Variants in MAGEF1 observed in about 807,000 individuals in gnomAD.
MAGEF1 encodes melanoma-associated antigen F1.
For missense variants in MAGEF1, 418 were observed against 399.5 expected, an observed-to-expected ratio of 1.05 and a Z score of -0.39; for synonymous variants, 150 against 163.6, an observed-to-expected ratio of 0.92 and a Z score of 0.63.
chr3:184,712,032 C>T lies in MAGEF1; in HGVS notation c.-211G>A, dbSNP rs1712245977. ...AGCAGCCGGAACCTGCGGCGCGCAG[C>T]CTCAGTCCGCGCCCGCGCGAGGGGC... On this transcript the variant is annotated 5_prime_UTR_variant, in exon 1 of 1. Transcript: ENST00000317897. 3 of 914,410 alleles carry T rather than the reference C, an allele frequency of 3.3e-6. No homozygotes were observed. Among genetic ancestry groups the T allele is most frequent in the Admixed American group, 3.9e-5 (1 of 25,450 alleles). 56.6% of individuals were successfully genotyped at this position (914,410 alleles called of 1,614,324 possible).
In MAGEF1 at chr3:184,711,679, C is replaced by T. The variant is rs1157823947; in HGVS notation, c.143G>A (p.Gly48Glu). ...CCGGGTGAGGGCGGGCTCCGCAGCCCCCTCCTCCCTCCCGGCGCCAAGCTC... is the reference window on the plus strand; with the variant it reads ...CCGGGTGAGGGCGGGCTCCGCAGCCTCCTCCTCCCTCCCGGCGCCAAGCTC... ...KEELGAGREEGAAEPALTRKG... is the reference protein window; with the variant it reads ...KEELGAGREEEAAEPALTRKG... The change falls in exon 1 of 1, where the codon GGG becomes GAG. Residue 48 changes from glycine to glutamate, a missense_variant. Gly to Glu is a moderately conservative substitution (Grantham distance 98). Coordinates refer to ENST00000317897, the MANE Select transcript of MAGEF1 (RefSeq NM_022149.5). The T allele has an allele frequency of 1.3e-6, 2 of 1,582,936 alleles. No individual in the cohort carries two copies. The highest frequency in any genetic ancestry group is 1.7e-6 in the Non-Finnish European group (2 of 1,166,900).
In MAGEF1 at chr3:184,710,827, C is replaced by G; in HGVS notation, c.*71G>C. On this transcript the variant is annotated 3_prime_UTR_variant, in exon 1 of 1. Coordinates refer to ENST00000317897, the MANE Select transcript of MAGEF1 (RefSeq NM_022149.5). Reference sequence around the variant, plus strand: ...CTACAGAAATAAGACCCTCGCCCCACCCATATTACTTATGACTCAGGACAG... The same window carrying G: ...CTACAGAAATAAGACCCTCGCCCCAGCCATATTACTTATGACTCAGGACAG... 6.8e-7 allele frequency: 1 copy of G among 1,463,680 alleles called. No individual in the cohort carries two copies. Among genetic ancestry groups the G allele is most frequent in the East Asian group, 2.4e-5 (1 of 42,440 alleles). 90.7% of individuals were successfully genotyped at this position (1,463,680 alleles called of 1,614,324 possible).
rs763458760 is a variant in MAGEF1 at position 184,711,442 on chromosome 3, T to C, written c.380A>G (p.Tyr127Cys). The change falls in exon 1 of 1, where the codon TAT (tyrosine) becomes TGT (cysteine). Residue 127 changes from tyrosine (Y) to cysteine (C), a missense_variant. By Grantham distance (194) the Tyr-to-Cys change is radical. Coordinates refer to ENST00000317897, the MANE Select transcript of MAGEF1 (RefSeq NM_022149.5). ...IIARAAEHLR[Y>C]VFGFELKQFD... ...CTGTTTCAGCTCAAAACCAAAGACA[T>C]ACCGCAGATGCTCTGCGGCCCTTGC... The C allele has an allele frequency of 1.4e-5, 22 of 1,613,994 alleles. No individual in the cohort carries two copies. Among genetic ancestry groups the C allele is most frequent in the Admixed American group, 1.7e-5 (1 of 60,004 alleles).
chr3:184,711,862 G>A lies in MAGEF1; in HGVS notation c.-41C>T. The A allele has an allele frequency of 4.1e-6, 6 of 1,451,508 alleles. No individual in the cohort carries two copies. The highest frequency in any genetic ancestry group is 1.4e-5 in the African/African-American group (1 of 70,238). 89.9% of individuals were successfully genotyped at this position (1,451,508 alleles called of 1,614,324 possible). A position where few individuals can be genotyped will look rare whatever the true frequency, so the allele number is the denominator to read the frequency against. On this transcript the variant is annotated 5_prime_UTR_variant, in exon 1 of 1. Transcript: ENST00000317897. ...GGTGCAGAGCGCGTACACGGGCCGA[G>A]GGGTGTGGGAGCCGCCGCGCAAGCC...
rs201868429 is a variant in MAGEF1 at position 184,710,959 on chromosome 3, G to A, written c.863C>T (p.Ala288Val). 5.9e-5 allele frequency: 95 copies of A among 1,613,866 alleles called. 1 individual carries two copies. The East Asian group carries it at 2.0e-3, about 34-fold the overall frequency. ...ADEADRARAK[A>V]RAEASMRARA... The stretch of plus-strand genomic sequence containing the variant: ...GGCCCTCATACTGGCTTCAGCTCTG[G>A]CCTTGGCTCTGGCCCTGTCGGCCTC... The change falls in exon 1 of 1, where the codon GCC (alanine) becomes GTC (valine). Residue 288 changes from alanine (A) to valine (V), a missense_variant. By Grantham distance (64) the Ala-to-Val change is moderately conservative. Coordinates refer to ENST00000317897, the MANE Select transcript of MAGEF1 (RefSeq NM_022149.5).
rs557801896 is a variant in MAGEF1 at position 184,711,952 on chromosome 3, T to C, written c.-131A>G. ...ACAAGGAGCAATGGCAGCGGGAGCT[T>C]TGTGGCTGCTGGGCCGCACCGCACG... On this transcript the variant is annotated 5_prime_UTR_variant, in exon 1 of 1. Transcript: ENST00000317897. 189 of 1,349,620 alleles carry C rather than the reference T, an allele frequency of 1.4e-4. 2 individuals carry two copies. In the South Asian group the frequency reaches 3.7e-3, roughly 27 times the overall value. 83.6% of individuals were successfully genotyped at this position (1,349,620 alleles called of 1,614,324 possible).
In MAGEF1 at chr3:184,711,046, G is replaced by A. The variant is rs1401947617; in HGVS notation, c.776C>T (p.Ala259Val). The change falls in exon 1 of 1, where the codon GCC becomes GTC. Residue 259 changes from alanine to valine, a missense_variant. Transcript: ENST00000317897. ...ISKMEVLGFV[A>V]KLHKKEPQHW... ...CTGCGGTTCCTTCTTATGCAGTTTGGCCACGAACCCCAGGACTTCCATCTT... is the reference window on the plus strand; with the variant it reads ...CTGCGGTTCCTTCTTATGCAGTTTGACCACGAACCCCAGGACTTCCATCTT... 6.2e-7 allele frequency: 1 copy of A among 1,614,188 alleles called. No individual in the cohort carries two copies. Among genetic ancestry groups the A allele is most frequent in the East Asian group, 2.2e-5 (1 of 44,886 alleles).
chr3:184,711,773 C>T lies in MAGEF1; in HGVS notation c.49G>A (p.Gly17Arg), dbSNP rs912558148. ...SRGLPVPQAE[G>R]EKDGGHDGET... ...CCATCATGGCCGCCATCCTTCTCCC[C>T]CTCGGCCTGCGGGACCGGGAGCCCC... The change falls in exon 1 of 1, where the codon GGG becomes AGG. Residue 17 changes from glycine (G) to arginine (R), a missense_variant. Transcript: ENST00000317897. 2.6e-6 allele frequency: 4 copies of T among 1,520,902 alleles called. No individual in the cohort carries two copies. The highest frequency in any genetic ancestry group is 3.5e-6 in the Non-Finnish European group (4 of 1,139,714). The allele number at this position is 1,520,902 out of a possible 1,614,324, so 94.2% of individuals were successfully genotyped here.
At position 184,711,782 on chromosome 3, in the gene MAGEF1, G is replaced by C; in HGVS notation, c.40C>G (p.Gln14Glu). ...CCGCCATCCTTCTCCCCCTCGGCCT[G>C]CGGGACCGGGAGCCCCCTGCTCTCT... The part of the protein sequence containing the change: ...TPESRGLPVP[Q>E]AEGEKDGGHD... Residue 14 changes from glutamine (Q) to glutamate (E), a missense_variant, in exon 1 of 1, where the codon CAG becomes GAG. Transcript: ENST00000317897. 6.6e-7 allele frequency: 1 copy of C among 1,520,114 alleles called. No homozygotes were observed. The highest frequency in any genetic ancestry group is 8.8e-7 in the Non-Finnish European group (1 of 1,139,104). The allele number at this position is 1,520,114 out of a possible 1,614,324, so 94.2% of individuals were successfully genotyped here.
Position 184,711,610 on chromosome 3 carries a change from C to A in MAGEF1, c.212G>T (p.Arg71Met), listed in dbSNP as rs1469020523. Residue 71 changes from arginine (R) to methionine (M), a missense_variant, in exon 1 of 1, where the codon AGG (arginine) becomes ATG (methionine). Arg to Met is a moderately conservative substitution (Grantham distance 91, BLOSUM62 -1). Coordinates refer to ENST00000317897, the MANE Select transcript of MAGEF1 (RefSeq NM_022149.5). The part of the protein sequence containing the change: ...ALAAKALARR[R>M]AYRRLNRTVA... ...CGTCCGATTCAGCCGGCGGTAGGCCCTGCGCCTTGCCAAGGCTTTGGCCGC... is the reference window on the plus strand; with the variant it reads ...CGTCCGATTCAGCCGGCGGTAGGCCATGCGCCTTGCCAAGGCTTTGGCCGC... 6 of 1,612,530 alleles carry A rather than the reference C, an allele frequency of 3.7e-6. No homozygotes were observed. The South Asian group carries it at 6.6e-5, about 18-fold the overall frequency.
chr3:184,710,601 T>C lies in MAGEF1; in HGVS notation c.*297A>G, dbSNP rs1712186047. The C allele has an allele frequency of 7.1e-6, 2 of 280,860 alleles. No individual in the cohort carries two copies. Among genetic ancestry groups the C allele is most frequent in the Non-Finnish European group, 1.3e-5 (2 of 155,070 alleles). The allele number at this position is 280,860 out of a possible 1,614,324, so 17.4% of individuals were successfully genotyped here. On this transcript the variant is annotated 3_prime_UTR_variant, in exon 1 of 1. Transcript: ENST00000317897. Reference sequence around the variant, plus strand: ...TCAAACCATCAAAGTACAGCCTTCCTTCCAATGTTGCATAATCTGTTCAAA... The same window carrying C: ...TCAAACCATCAAAGTACAGCCTTCCCTCCAATGTTGCATAATCTGTTCAAA...
rs372329082 is a variant in MAGEF1, at chr3:184,711,236, A to G, written c.586T>C (p.Leu196=). 1 of 1,614,020 alleles carries G rather than the reference A, an allele frequency of 6.2e-7. No homozygotes were observed. The highest frequency in any genetic ancestry group is 8.5e-7 in the Non-Finnish European group (1 of 1,179,982). Residue 196 remains leucine, a synonymous_variant, in exon 1 of 1, where the codon TTG becomes CTG. Coordinates refer to ENST00000317897, the MANE Select transcript of MAGEF1 (RefSeq NM_022149.5). ...EAQVWEMLRR[L]GVQPSKYHFL... Reference sequence around the variant, plus strand: ...TGATACTTTGAGGGTTGCACCCCCAACCGACGCAGCATCTCCCAGACCTGG... The same window carrying G: ...TGATACTTTGAGGGTTGCACCCCCAGCCGACGCAGCATCTCCCAGACCTGG...
Position 184,711,835 on chromosome 3 carries a change from C to A in MAGEF1, c.-14G>T, listed in dbSNP as rs1056447970. On this transcript the variant is annotated 5_prime_UTR_variant, in exon 1 of 1. Coordinates refer to ENST00000317897, the MANE Select transcript of MAGEF1 (RefSeq NM_022149.5). ...TGTCTGCAACATGTTTTCGGGCAGG[C>A]AGGTGCAGAGCGCGTACACGGGCCG... 1 of 1,493,578 alleles carries A rather than the reference C, an allele frequency of 6.7e-7. No homozygotes were observed. The highest frequency in any genetic ancestry group is 8.9e-7 in the Non-Finnish European group (1 of 1,124,192). 92.5% of individuals were successfully genotyped at this position (1,493,578 alleles called of 1,614,324 possible).
Position 184,710,801 on chromosome 3 carries a change from T to G in MAGEF1, c.*97A>C. The G allele has an allele frequency of 7.2e-7, 1 of 1,398,130 alleles. No homozygotes were observed. Among genetic ancestry groups the G allele is most frequent in the African/African-American group, 1.4e-5 (1 of 69,678 alleles). 86.6% of individuals were successfully genotyped at this position (1,398,130 alleles called of 1,614,324 possible). A position where few individuals can be genotyped will look rare whatever the true frequency, so the allele number is the denominator to read the frequency against. ...TCTAAATCCTTAAAGTCACACGATT[T>G]CTACAGAAATAAGACCCTCGCCCCA... On this transcript the variant is annotated 3_prime_UTR_variant, in exon 1 of 1. Transcript: ENST00000317897.
rs753803347 is a variant in MAGEF1 at position 184,710,984 on chromosome 3, C to T, written c.838G>A (p.Glu280Lys). 2 of 1,614,136 alleles carry T rather than the reference C, an allele frequency of 1.2e-6. No homozygotes were observed. The highest frequency in any genetic ancestry group is 1.1e-5 in the South Asian group (1 of 91,078). Residue 280 changes from glutamate (E) to lysine (K), a missense_variant, in exon 1 of 1, where the codon GAG becomes AAG. Physicochemically the swap from Glu to Lys is moderately conservative, Grantham distance 56 (BLOSUM62 1). Coordinates refer to ENST00000317897, the MANE Select transcript of MAGEF1 (RefSeq NM_022149.5). ...GCCTTGGCTCTGGCCCTGTCGGCCT[C>T]GTCTGCTAGGGCCTCACGGTACTGC... ...PVQYREALAD[E>K]ADRARAKARA... is the part of the protein sequence containing the mutation.
At position 184,711,658 on chromosome 3, in the gene MAGEF1, G is replaced by C; in HGVS notation, c.164C>G (p.Thr55Ser). ...CGCCAAGGCCCTCGCGCCTTTCCGG[G>C]TGAGGGCGGGCTCCGCAGCCCCCTC... ...REEGAAEPAL[T>S]RKGARALAAK... Residue 55 changes from threonine (T) to serine (S), a missense_variant, in exon 1 of 1, where the codon ACC becomes AGC. By Grantham distance (58) the Thr-to-Ser change is moderately conservative. Coordinates refer to ENST00000317897, the MANE Select transcript of MAGEF1 (RefSeq NM_022149.5). The C allele has an allele frequency of 1.2e-6, 2 of 1,601,598 alleles. No individual in the cohort carries two copies. Among genetic ancestry groups the C allele is most frequent in the Non-Finnish European group, 8.5e-7 (1 of 1,175,002 alleles).
Position 184,711,802 on chromosome 3 carries a change from C to T in MAGEF1, c.20G>A (p.Ser7Asn). The T allele has an allele frequency of 6.6e-7, 1 of 1,516,080 alleles. No homozygotes were observed. Among genetic ancestry groups the T allele is most frequent in the Non-Finnish European group, 8.8e-7 (1 of 1,136,442 alleles). 93.9% of individuals were successfully genotyped at this position (1,516,080 alleles called of 1,614,324 possible). A position where few individuals can be genotyped will look rare whatever the true frequency, so the allele number is the denominator to read the frequency against. Residue 7 changes from serine to asparagine, a missense_variant, in exon 1 of 1, where the codon AGC (serine) becomes AAC (asparagine). Ser to Asn is a conservative substitution (Grantham distance 46). Coordinates refer to ENST00000317897, the MANE Select transcript of MAGEF1 (RefSeq NM_022149.5). MLQTPESRGLPVPQAEG... is the reference protein window; with the variant it reads MLQTPENRGLPVPQAEG... ...GGCCTGCGGGACCGGGAGCCCCCTG[C>T]TCTCTGGTGTCTGCAACATGTTTTC...
rs994093983 is a variant in MAGEF1 at position 184,710,930 on chromosome 3, C to A, written c.892G>T (p.Ala298Ser). ...ARAEASMRAR[A>S]SARAGIHLW Reference sequence around the variant, plus strand: ...AGGTGGATGCCGGCCCTAGCACTGGCCCTGGCCCTCATACTGGCTTCAGCT... The same window carrying A: ...AGGTGGATGCCGGCCCTAGCACTGGACCTGGCCCTCATACTGGCTTCAGCT... Residue 298 changes from alanine to serine, a missense_variant, in exon 1 of 1, where the codon GCC (alanine) becomes TCC (serine). By Grantham distance (99) the Ala-to-Ser change is moderately conservative. Transcript: ENST00000317897. 16 of 1,608,466 alleles carry A rather than the reference C, an allele frequency of 9.9e-6. No individual in the cohort carries two copies. The highest frequency in any genetic ancestry group is 1.4e-5 in the Non-Finnish European group (16 of 1,176,810).
Position 184,711,448 on chromosome 3 carries a change from A to C in MAGEF1, c.374T>G (p.Leu125Arg). 6.2e-7 allele frequency: 1 copy of C among 1,614,252 alleles called. No individual in the cohort carries two copies. The highest frequency in any genetic ancestry group is 1.1e-5 in the South Asian group (1 of 91,092). Reference protein sequence around the residue: ...PDIIARAAEHLRYVFGFELKQ... With the variant: ...PDIIARAAEHRRYVFGFELKQ... Reference sequence around the variant, plus strand: ...CAGCTCAAAACCAAAGACATACCGCAGATGCTCTGCGGCCCTTGCGATGAT... The same window carrying C: ...CAGCTCAAAACCAAAGACATACCGCCGATGCTCTGCGGCCCTTGCGATGAT... Residue 125 changes from leucine to arginine, a missense_variant, in exon 1 of 1, where the codon CTG becomes CGG. Coordinates refer to ENST00000317897, the MANE Select transcript of MAGEF1 (RefSeq NM_022149.5).
Sources: allele counts gnomAD v4.1 joint callset, GRCh38; gene constraint gnomAD v4.1.1; transcripts MANE v1.5; gene names NCBI Gene and HGNC (gene_info 2026-07-23, HGNC 2026-07-21).